Variants in CNOT1 observed in about 807,000 individuals in gnomAD.
The protein encoded by CNOT1 is CCR4-NOT transcription complex subunit 1.
CNOT1 carries 15 observed loss-of-function variants against 273.8 expected under a neutral mutation model. That is an observed-to-expected ratio of 0.05 (90% CI 0.04 to 0.08). CNOT1 has a LOEUF of 0.08. Among genes scored for constraint, CNOT1 ranks in the 10% least tolerant of loss-of-function variants. CNOT1 has a pLI of 1.00. For missense variants in CNOT1, 1,644 were observed against 2,912.2 expected, an observed-to-expected ratio of 0.56 and a Z score of 10.02; for synonymous variants, 1,022 against 1,005.5, an observed-to-expected ratio of 1.02 and a Z score of -0.31.
At chr16:58,616,130 G>A (rs1265173421) in intron 1 of CNOT1, among the ~76,000 whole-genome samples, 1 of 124,994 alleles carries the variant, frequency 8.0e-6, no homozygotes, top group African/African-American at 2.7e-5. Flanking sequence ...TTTTTCAGAC[G>A]GAGTCTCGCT....
chr16:58,542,596 G>A, intron 31 of CNOT1, 28 bp from the exon 32 acceptor site: 1 of 485,950 alleles, frequency 2.1e-6, no homozygotes, highest in Non-Finnish European at 4.0e-6. Context: ...TGGGGGGGTG[G>A]GGGGAATAGA....
intron 29 of CNOT1, 86 bp downstream of exon 29, chr16:58,546,235 T>C (rs2040253931): frequency 4.3e-6 from 5 of 1,173,144 alleles, no homozygotes; most frequent in Admixed American, 2.2e-5. Context: ...TGTGGGAAAT[T>C]ATAGTTTGCG....
intron 13 of CNOT1, among the ~76,000 whole-genome samples, chr16:58,577,419 T>C (rs544428271): frequency 2.7e-4 from 41 of 152,286 alleles, no homozygotes; most frequent in South Asian, 1.2e-3. Flanking sequence ...ACAATGTTAA[T>C]TGAGTCTCTA....
At chr16:58,555,987 T>A in intron 19 of CNOT1, 79 bp from the exon 20 acceptor site, 4 of 1,565,440 alleles carry the variant, frequency 2.6e-6, no homozygotes, top group Non-Finnish European at 3.4e-6. Context: ...AGCCAGAGAC[T>A]ATTATAGCTC....
At chr16:58,592,592 AAAAC>A (rs1289583541) in intron 2 of CNOT1, among the ~76,000 whole-genome samples, 7 of 152,128 alleles carry the variant, frequency 4.6e-5, no homozygotes, top group Admixed American at 1.3e-4. Context: ...CCATCTCCCT[AAAAC>A]AAACAAAGTA....
chr16:58,593,358 G>C (rs868280709), intron 2 of CNOT1, among the ~76,000 whole-genome samples: 2 of 151,720 alleles, frequency 1.3e-5, no homozygotes, highest in Non-Finnish European at 2.9e-5. Context: ...TCGGGAGTTC[G>C]AGACCGGCCT....
At chr16:58,530,659 CTATAA>C in intron 42 of CNOT1, 1 of 175,080 alleles carries the variant, frequency 5.7e-6, no homozygotes, top group Admixed American at 6.0e-5. Flanking sequence ...TGGCGGGCAC[CTATAA>C]TCCCAGCTAC....
intron 35 of CNOT1, 84 bp downstream of exon 35, chr16:58,539,684 C>T (rs2040029817): frequency 2.3e-6 from 3 of 1,319,438 alleles, no homozygotes; most frequent in Non-Finnish European, 3.0e-6. Context: ...TTAAGCATAA[C>T]TGCATAAATA....
At chr16:58,596,762 A>G (rs1045514247) in intron 2 of CNOT1, among the ~76,000 whole-genome samples, 1 of 151,600 alleles carries the variant, frequency 6.6e-6, no homozygotes, top group East Asian at 2.0e-4. Flanking sequence ...GTGGCGAGCG[A>G]CTGTAGTCCC....
intron 16 of CNOT1, among the ~76,000 whole-genome samples, chr16:58,564,226 T>C (rs13331329): frequency 8.2e-4 from 125 of 152,248 alleles, no homozygotes; most frequent in African/African-American, 2.8e-3. Context: ...GAGAACAAGG[T>C]AGAGGTATCA....
Position 58,555,159 on chromosome 16 carries a change from G to C in CNOT1, c.2891+92C>G, listed in dbSNP as rs9941013. 9.3e-3 allele frequency: 14,162 copies of C among 1,528,302 alleles called. 850 individuals carry two copies. The African/African-American group carries it at 0.15, about 16-fold the overall frequency. 94.7% of individuals were successfully genotyped at this position (1,528,302 alleles called of 1,614,324 possible). ...CAAGGTCAAGGCTGCAGTGAGCCGA[G>C]ATTGCGCCACTGCACTCCAGCCTGG... On this transcript the variant is annotated intron_variant, in intron 21 of 48. Coordinates refer to ENST00000317147, the MANE Select transcript of CNOT1 (RefSeq NM_016284.5).
At chr16:58,576,681 T>C (rs2041467345) in intron 13 of CNOT1, 99 bp from the exon 14 acceptor site, 10 of 1,533,732 alleles carry the variant, frequency 6.5e-6, no homozygotes, top group Non-Finnish European at 8.8e-6. Context: ...TGTATAAAAA[T>C]CAGGTATACC....
intron 46 of CNOT1, among the ~76,000 whole-genome samples, chr16:58,524,474 G>A (rs557551404): frequency 6.6e-6 from 1 of 151,824 alleles, no homozygotes; most frequent in South Asian, 2.1e-4. Flanking sequence ...CCGAGCTCTT[G>A]GACGTGATGG....
chr16:58,540,069 T>A, intron 34 of CNOT1, 110 bp from the exon 35 acceptor site: 1 of 1,136,490 alleles, frequency 8.8e-7, no homozygotes, highest in South Asian at 1.7e-5. Flanking sequence ...TTTTTCTTAT[T>A]TTTACATTCA....
At chr16:58,602,557 A>AAAAAAT in intron 1 of CNOT1, among the ~76,000 whole-genome samples, 1 of 138,226 alleles carries the variant, frequency 7.2e-6, no homozygotes, top group Non-Finnish European at 1.5e-5. Flanking sequence ...TGTCTCCAAA[A>AAAAAAT]AAAAAAAAAA....
rs778159424 is a variant in CNOT1, at chr16:58,582,948, T to G, written c.934-45A>C. 7 of 1,613,140 alleles carry G rather than the reference T, an allele frequency of 4.3e-6. No individual in the cohort carries two copies. In the East Asian group the frequency reaches 1.6e-4, roughly 36 times the overall value. Reference sequence around the variant, plus strand: ...ATTAAACAAACCCAACTACTCCATGTGTTCACTTCTGGTCGATAGAACAAT... The same window carrying G: ...ATTAAACAAACCCAACTACTCCATGGGTTCACTTCTGGTCGATAGAACAAT... On this transcript the variant is annotated intron_variant, in intron 9 of 48. Coordinates refer to ENST00000317147, the MANE Select transcript of CNOT1 (RefSeq NM_016284.5).
chr16:58,530,420 G>A (rs2039741738), intron 42 of CNOT1, 73 bp from the exon 43 acceptor site: 4 of 1,011,572 alleles, frequency 4.0e-6, no homozygotes, highest in Non-Finnish European at 4.5e-6. Context: ...CGCCCAAGCA[G>A]CTACACTGAC....
At chr16:58,590,482 C>T (rs56981103) in intron 2 of CNOT1, among the ~76,000 whole-genome samples, 2 of 152,094 alleles carry the variant, frequency 1.3e-5, no homozygotes, top group East Asian at 1.9e-4. Context: ...TAATTTCCAG[C>T]TACTTGAGAG....
chr16:58,566,401 T>G (rs879168850), intron 16 of CNOT1, among the ~76,000 whole-genome samples: 1 of 152,236 alleles, frequency 6.6e-6, no homozygotes, highest in South Asian at 2.1e-4. Flanking sequence ...TGCTAATAGA[T>G]CAATTAAAGA....
Sources: allele counts gnomAD v4.1 joint callset (sites outside exome capture counted in the v4.1 genomes callset), GRCh38; gene constraint gnomAD v4.1.1; transcripts MANE v1.5; gene names NCBI Gene and HGNC (gene_info 2026-07-23, HGNC 2026-07-21).